PRX: variants seen among roughly 807,000 people sequenced by gnomAD.
PRX encodes the protein periaxin.
In PRX, 24 loss-of-function variants were observed where a neutral mutation model predicts 29.6. That is an observed-to-expected ratio of 0.81 (90% CI 0.59 to 1.14). PRX has a LOEUF of 1.14. Among genes scored for constraint, PRX ranks in the 50% most tolerant of loss-of-function variants. The pLI, the probability that PRX is intolerant of heterozygous loss-of-function variation, is 0.00. For missense variants in PRX, 1,838 were observed against 1,926.4 expected (o/e 0.95, Z 0.86); for synonymous variants, 772 against 831.7 (o/e 0.93, Z 1.24).
intron 1 of PRX, 43 bp from the exon 2 acceptor site, chr19:40,408,426 C>T (rs929450041): frequency 5.9e-5 from 13 of 220,666 alleles, no homozygotes; most frequent in African/African-American, 9.0e-5. Context: ...TAACAGCCAC[C>T]GATGACTTCC....
upstream of PRX, among the ~76,000 whole-genome samples, chr19:40,414,663 T>C (rs554598596): frequency 2.6e-5 from 4 of 152,000 alleles, no homozygotes; most frequent in South Asian, 8.3e-4. Flanking sequence ...CCCCAACCCC[T>C]GGACCCTGGT....
chr19:40,399,378 C>G (rs2079472382), intron 5 of PRX, among the ~76,000 whole-genome samples: 1 of 152,192 alleles, frequency 6.6e-6, no homozygotes, highest in African/African-American at 2.4e-5. Context: ...CCTCACTCCC[C>G]CGGAGCTCCT....
In PRX at chr19:40,403,805, C is replaced by T. The variant is rs879254074; in HGVS notation, c.85G>A (p.Val29Ile). The T allele has an allele frequency of 8.1e-6, 13 of 1,608,878 alleles. No homozygotes were observed. In the East Asian group the frequency reaches 1.6e-4, roughly 19 times the overall value. ...IIVETEAQTG[V>I]SGINVAGGGK... ...CCGCCCGCTACGTTGATGCCGCTGACCCCGGTCTGCGCCTCCGTCTCCACG... is the reference window on the plus strand; with the variant it reads ...CCGCCCGCTACGTTGATGCCGCTGATCCCGGTCTGCGCCTCCGTCTCCACG... Residue 29 changes from valine to isoleucine, a missense_variant, in exon 5 of 7, where the codon GTC becomes ATC. By Grantham distance (29) the Val-to-Ile change is conservative. Coordinates refer to ENST00000324001, the MANE Select transcript of PRX (RefSeq NM_181882.3).
chr19:40,393,867 C>T lies in PRX; in HGVS notation c.*99G>A. On this transcript the variant is annotated 3_prime_UTR_variant, in exon 7 of 7. Transcript: ENST00000324001. ...CCTGCCAGCCCTGGTCAGTCACCCACCTCCCGGCCCTCTTAGGGTTAGTGC... is the reference window on the plus strand; with the variant it reads ...CCTGCCAGCCCTGGTCAGTCACCCATCTCCCGGCCCTCTTAGGGTTAGTGC... 1.3e-6 allele frequency: 2 copies of T among 1,578,706 alleles called. No individual in the cohort carries two copies. The highest frequency in any genetic ancestry group is 1.7e-6 in the Non-Finnish European group (2 of 1,164,524).
chr19:40,409,495 C>T (rs971475373), intron 1 of PRX, among the ~76,000 whole-genome samples: 1 of 94,384 alleles, frequency 1.1e-5, no homozygotes, highest in Non-Finnish European at 2.2e-5. Flanking sequence ...TATTTTGAGA[C>T]AGAGTCTCGC....
chr19:40,397,397 C>G lies in PRX; in HGVS notation c.955G>C (p.Val319Leu), dbSNP rs776754696. Residue 319 changes from valine (V) to leucine (L), a missense_variant, in exon 7 of 7, where the codon GTG becomes CTG. Physicochemically the swap from Val to Leu is conservative, Grantham distance 32. Coordinates refer to ENST00000324001, the MANE Select transcript of PRX (RefSeq NM_181882.3). ...TCCAGGGTGGGCACCACTACCGACA[C>G]AGCCCCTTCCCGGGTCTCTAGGCAG... ...LPCLETREGAVSVVVPTLDVA... is the reference protein window; with the variant it reads ...LPCLETREGALSVVVPTLDVA... 1.2e-6 allele frequency: 2 copies of G among 1,611,936 alleles called. No individual in the cohort carries two copies. The highest frequency in any genetic ancestry group is 1.7e-6 in the Non-Finnish European group (2 of 1,179,626).
At chr19:40,407,551 T>C (rs1255057915) in intron 4 of PRX, 4 of 416,870 alleles carry the variant, frequency 9.6e-6, no homozygotes, top group East Asian at 9.9e-5. Context: ...TCCTCCTGCC[T>C]CGGCCTCCCA....
intron 1 of PRX, among the ~76,000 whole-genome samples, chr19:40,412,997 G>T (rs1385703699): frequency 2.6e-5 from 4 of 152,172 alleles, no homozygotes; most frequent in Admixed American, 2.6e-4. Context: ...AAAGTGCTGG[G>T]ATTATAGGCA....
chr19:40,410,555 G>A (rs1450545424), intron 1 of PRX, among the ~76,000 whole-genome samples: 16 of 152,176 alleles, frequency 1.1e-4, no homozygotes, highest in Admixed American at 1.0e-3. Context: ...CTTCCAGGCT[G>A]TGCCAGGACT....
chr19:40,401,700 C>T (rs991766586), intron 5 of PRX, among the ~76,000 whole-genome samples: 2 of 152,038 alleles, frequency 1.3e-5, no homozygotes, highest in African/African-American at 2.4e-5. Context: ...CTGTCTGTTC[C>T]CTCTTCCAGA....
chr19:40,396,015 A>G lies in PRX; in HGVS notation c.2337T>C (p.Ala779=). 1 of 1,613,964 alleles carries G rather than the reference A, an allele frequency of 6.2e-7. No homozygotes were observed. ...PKAPEVKLPR[A]PEVQLKATKA... is the part of the protein sequence containing the mutation. ...TGGTGGCCTTTAGCTGCACCTCCGG[A>G]GCCCTGGGCAGCTTCACCTCTGGTG... is the stretch of plus-strand genomic sequence containing the variant. The change falls in exon 7 of 7, where the codon GCT becomes GCC. Residue 779 remains alanine (A), a synonymous_variant. Transcript: ENST00000324001.
intron 4 of PRX, 52 bp downstream of exon 4, chr19:40,407,854 T>A (rs2079539166): frequency 6.2e-7 from 1 of 1,610,408 alleles, no homozygotes; most frequent in Non-Finnish European, 8.5e-7. Context: ...TGCCCTAGTC[T>A]GTGCCTCCCC....
rs377457671 is a variant in PRX at position 40,395,621 on chromosome 19, C to G, written c.2731G>C (p.Val911Leu). The G allele has an allele frequency of 6.2e-7, 1 of 1,614,188 alleles. No homozygotes were observed. Among genetic ancestry groups the G allele is most frequent in the South Asian group, 1.1e-5 (1 of 91,088 alleles). ...VEIVTPQLPA[V>L]EIEEGRLEMI... is the part of the protein sequence containing the mutation. ...TCCAGCCGCCCTTCCTCAATTTCCA[C>G]GGCGGGCAGCTGTGGGGTGACAATT... The change falls in exon 7 of 7, where the codon GTG (valine) becomes CTG (leucine). Residue 911 changes from valine to leucine, a missense_variant. Val to Leu is a conservative substitution (Grantham distance 32). Transcript: ENST00000324001.
intron 1 of PRX, among the ~76,000 whole-genome samples, 162 bp from the exon 2 acceptor site, chr19:40,408,545 G>A (rs543797219): frequency 2.0e-5 from 3 of 152,170 alleles, no homozygotes; most frequent in South Asian, 2.1e-4. Context: ...GACAACACAC[G>A]GTAAAGCCAA....
At position 40,397,119 on chromosome 19, in the gene PRX, TACA is replaced by T; in HGVS notation, c.1230_1232del (p.Val411del). 6.2e-7 allele frequency: 1 copy of T among 1,614,128 alleles called. No homozygotes were observed. Among genetic ancestry groups the T allele is most frequent in the African/African-American group, 1.3e-5 (1 of 75,052 alleles). ...TGGTGGGCAGCTTCAGCTTGCTCTC[TACA>T]ACTTCAGGAGCAGCGGGCCGGGGCT... On this transcript the variant is annotated inframe_deletion, in exon 7 of 7. Transcript: ENST00000324001.
chr19:40,393,847 C>A lies in PRX; in HGVS notation c.*119G>T. On this transcript the variant is annotated 3_prime_UTR_variant, in exon 7 of 7. Coordinates refer to ENST00000324001, the MANE Select transcript of PRX (RefSeq NM_181882.3). ...GAGAGACAGGAGCAGGCCTCCCTGC[C>A]AGCCCTGGTCAGTCACCCACCTCCC... 3.3e-6 allele frequency: 5 copies of A among 1,501,404 alleles called. No individual in the cohort carries two copies. Among genetic ancestry groups the A allele is most frequent in the Non-Finnish European group, 4.5e-6 (5 of 1,099,654 alleles). The allele number at this position is 1,501,404 out of a possible 1,614,324, so 93.0% of individuals were successfully genotyped here. A position where few individuals can be genotyped will look rare whatever the true frequency, so the allele number is the denominator to read the frequency against.
rs1260199482 is a variant in PRX at position 40,397,708 on chromosome 19, C to T, written c.644G>A (p.Arg215Lys). 2 of 1,562,232 alleles carry T rather than the reference C, an allele frequency of 1.3e-6. No homozygotes were observed. Among genetic ancestry groups the T allele is most frequent in the Admixed American group, 1.9e-5 (1 of 52,820 alleles). ...CACCTCAGCCTCCACCTTGGCTTTC[C>T]TGGGGGGAGGAGCGGCGGCGGCCAG... ...ARLAAAAPPP[R>K]KAKVEAEVAA... Residue 215 changes from arginine (R) to lysine (K), a missense_variant, in exon 7 of 7, where the codon AGG (arginine) becomes AAG (lysine). Transcript: ENST00000324001.
rs369224308 is a variant in PRX at position 40,395,444 on chromosome 19, G to C, written c.2908C>G (p.Arg970Gly). 2 of 1,613,970 alleles carry C rather than the reference G, an allele frequency of 1.2e-6. No homozygotes were observed. The highest frequency in any genetic ancestry group is 4.5e-5 in the East Asian group (2 of 44,838). ...SKFAISLPKA[R>G]VGAEAEAKGA... is the part of the protein sequence containing the mutation. ...TTGGCCTCAGCCTCAGCCCCCACCCGAGCCTTGGGGAGTGAGATGGCAAAT... is the reference window on the plus strand; with the variant it reads ...TTGGCCTCAGCCTCAGCCCCCACCCCAGCCTTGGGGAGTGAGATGGCAAAT... Residue 970 changes from arginine (R) to glycine (G), a missense_variant, in exon 7 of 7, where the codon CGG becomes GGG. Coordinates refer to ENST00000324001, the MANE Select transcript of PRX (RefSeq NM_181882.3).
Position 40,397,880 on chromosome 19 carries a change from A to G in PRX, c.472T>C (p.Phe158Leu), listed in dbSNP as rs1433341742. The G allele has an allele frequency of 2.5e-6, 4 of 1,610,720 alleles. No homozygotes were observed. Among genetic ancestry groups the G allele is most frequent in the Non-Finnish European group, 3.4e-6 (4 of 1,178,728 alleles). ...PADLAPVDVE[F>L]SFPKFSRLRR... ...AGGCGGGAGAACTTGGGAAAGGAGA[A>G]CTCGACGTCAACAGGGGCCAGGTCA... The change falls in exon 7 of 7, where the codon TTC (phenylalanine) becomes CTC (leucine). Residue 158 changes from phenylalanine (F) to leucine (L), a missense_variant. Phe to Leu is a conservative substitution (Grantham distance 22, BLOSUM62 0). This residue lies in a region of PRX where 666 missense variants were observed against 665.0 expected (regional missense o/e 1.00). Coordinates refer to ENST00000324001, the MANE Select transcript of PRX (RefSeq NM_181882.3).
Sources: allele counts gnomAD v4.1 joint callset (sites outside exome capture counted in the v4.1 genomes callset), GRCh38; gene constraint gnomAD v4.1.1; regional missense constraint gnomAD v4.1.1; transcripts MANE v1.5; gene names NCBI Gene and HGNC (gene_info 2026-07-23, HGNC 2026-07-21).